Variants in CCDC91 observed in about 807,000 individuals in gnomAD.
CCDC91 encodes coiled-coil domain containing 91.
Under a neutral mutation model 63.2 loss-of-function variants are expected in CCDC91, and 48 were observed. The ratio of observed to expected loss-of-function variants is 0.76; its 90% CI spans 0.60 to 0.97. The LOEUF is 0.97. Ranked by LOEUF, CCDC91 falls within the 50% of genes least tolerant of loss-of-function variation. CCDC91 has a pLI of 0.00. For synonymous variants in CCDC91, 167 were observed against 165.8 expected (o/e 1.01, Z -0.06); for missense variants, 500 against 494.6 (o/e 1.01, Z -0.10).
intron 1 of CCDC91, among the ~76,000 whole-genome samples, chr12:28,230,809 G>A (rs533267115): frequency 1.3e-5 from 2 of 152,124 alleles, no homozygotes; most frequent in African/African-American, 4.8e-5. Context: ...TTTTTTTGTA[G>A]TGATGGGGTT....
chr12:28,236,243 G>A (rs116601969), intron 1 of CCDC91: 6 of 151,574 alleles, frequency 4.0e-5, no homozygotes, highest in Non-Finnish European at 2.9e-5. Context: ...TGATTGTTTG[G>A]TACTAGTCAT....
intron 11 of CCDC91, among the ~76,000 whole-genome samples, chr12:28,465,599 G>C (rs1243696337): frequency 6.6e-6 from 1 of 152,172 alleles, no homozygotes; most frequent in Non-Finnish European, 1.5e-5. Flanking sequence ...GAGTCTACAA[G>C]AACCACAGCA....
intron 11 of CCDC91, among the ~76,000 whole-genome samples, chr12:28,483,664 G>A (rs996033779): frequency 2.6e-5 from 4 of 152,026 alleles, no homozygotes; most frequent in Non-Finnish European, 5.9e-5. Flanking sequence ...AAAATTAAAC[G>A]TGAATAAAAC....
At chr12:28,362,844 T>A (rs1171190489) in intron 7 of CCDC91, among the ~76,000 whole-genome samples, 1 of 152,142 alleles carries the variant, frequency 6.6e-6, no homozygotes, top group Non-Finnish European at 1.5e-5. Context: ...GGAAAAAAAT[T>A]AAGGCATGAA....
chr12:28,356,376 T>C (rs1041995450), intron 6 of CCDC91, among the ~76,000 whole-genome samples: 1 of 152,050 alleles, frequency 6.6e-6, no homozygotes, highest in Non-Finnish European at 1.5e-5. Flanking sequence ...TATAATCTTA[T>C]CTTTTTTTGC....
rs75555723 is a variant in CCDC91, at chr12:28,289,685, C to CTTT, written c.110-15943_110-15941dup. ...TTGGGGTGGAGAGTTCTTTTCTTTTCTTTTTTTTTTTTTTTTTTTTTTTGA... is the reference window on the plus strand; with the variant it reads ...TTGGGGTGGAGAGTTCTTTTCTTTTCTTTTTTTTTTTTTTTTTTTTTTTTTTGA... On this transcript the variant is annotated intron_variant, in intron 3 of 12. Coordinates refer to ENST00000536442, the MANE Select transcript of CCDC91 (RefSeq NM_018318.5). Among the ~76,000 whole-genome samples, 588 of 98,458 alleles carry CTTT rather than the reference C, an allele frequency of 6.0e-3. 42 individuals carry two copies. The highest frequency in any genetic ancestry group is 0.015 in the Middle Eastern group (2 of 130). 64.6% of individuals were successfully genotyped at this position (98,458 alleles called of 152,430 possible).
chr12:28,273,576 T>G (rs1947949130), intron 3 of CCDC91, among the ~76,000 whole-genome samples: 2 of 152,212 alleles, frequency 1.3e-5, no homozygotes, highest in Admixed American at 1.3e-4. Context: ...TGATTTGCAT[T>G]TCTCTGATGG....
intron 8 of CCDC91, among the ~76,000 whole-genome samples, chr12:28,421,924 G>A (rs139678878): frequency 8.5e-5 from 13 of 152,114 alleles, no homozygotes; most frequent in African/African-American, 2.9e-4. Context: ...TTTATTTGCT[G>A]ATCCTTGAGA....
At chr12:28,216,849 C>T (rs185380664) in intron 1 of CCDC91, among the ~76,000 whole-genome samples, 3 of 152,060 alleles carry the variant, frequency 2.0e-5, no homozygotes, top group Admixed American at 6.6e-5. Context: ...AGAATATAAA[C>T]ATCAGAGAAT....
At chr12:28,538,776 C>G (rs1207167219) in intron 12 of CCDC91, among the ~76,000 whole-genome samples, 1 of 151,992 alleles carries the variant, frequency 6.6e-6, no homozygotes, top group Non-Finnish European at 1.5e-5. Context: ...CTCTTGTTTC[C>G]TGACTTTTTA....
chr12:28,543,808 C>T (rs1942800123), intron 12 of CCDC91, among the ~76,000 whole-genome samples: 1 of 152,004 alleles, frequency 6.6e-6, no homozygotes, highest in African/African-American at 2.4e-5. Context: ...ACTCCAGCTC[C>T]AGTCTATCAT....
At chr12:28,465,177 C>G (rs1407265396) in intron 11 of CCDC91, among the ~76,000 whole-genome samples, 1 of 152,162 alleles carries the variant, frequency 6.6e-6, no homozygotes, top group Non-Finnish European at 1.5e-5. Context: ...GGTTTGAGTT[C>G]CAGCTCAGCC....
chr12:28,539,672 C>T (rs1190815973), intron 12 of CCDC91, among the ~76,000 whole-genome samples: 1 of 152,112 alleles, frequency 6.6e-6, no homozygotes, highest in Non-Finnish European at 1.5e-5. Context: ...GAAAGAAAAT[C>T]TCCTTTACTT....
At chr12:28,362,876 T>C (rs1208786873) in intron 7 of CCDC91, among the ~76,000 whole-genome samples, 2 of 152,196 alleles carry the variant, frequency 1.3e-5, no homozygotes, top group Non-Finnish European at 2.9e-5. Flanking sequence ...AAAAATATTA[T>C]ACCTTTTTGC....
chr12:28,506,860 T>TAA (rs539633200), intron 12 of CCDC91, among the ~76,000 whole-genome samples: 1 of 133,856 alleles, frequency 7.5e-6, no homozygotes, highest in East Asian at 2.2e-4. Flanking sequence ...CCTTCAGGGG[T>TAA]AAAAAAAAAA....
At chr12:28,408,029 C>T (rs1947077314) in intron 8 of CCDC91, among the ~76,000 whole-genome samples, 1 of 150,390 alleles carries the variant, frequency 6.6e-6, no homozygotes, top group Non-Finnish European at 1.5e-5. Context: ...AGGTTTGTTG[C>T]ATAGGTATAC....
At chr12:28,479,012 G>C (rs749820606) in intron 11 of CCDC91, among the ~76,000 whole-genome samples, 1 of 152,146 alleles carries the variant, frequency 6.6e-6, no homozygotes, top group African/African-American at 2.4e-5. Context: ...TACACTGTTG[G>C]TGGGACTGTA....
intron 7 of CCDC91, among the ~76,000 whole-genome samples, chr12:28,375,725 C>G (rs1384878187): frequency 1.3e-5 from 2 of 151,930 alleles, no homozygotes; most frequent in Non-Finnish European, 2.9e-5. Context: ...AGATTGTTTA[C>G]TGCAAGCAAC....
intron 1 of CCDC91, among the ~76,000 whole-genome samples, chr12:28,216,538 T>C (rs2135585877): frequency 6.6e-6 from 1 of 152,080 alleles, no homozygotes; most frequent in East Asian, 1.9e-4. Context: ...CGGAGGAAGG[T>C]AATCATAATA....
Sources: gnomAD v4.1 joint callset for allele counts (sites outside exome capture counted in the v4.1 genomes callset) on GRCh38, gnomAD v4.1.1 for gene constraint, MANE v1.5 for transcripts, NCBI Gene and HGNC (gene_info 2026-07-23, HGNC 2026-07-21) for gene names.